The following DEPTOR variants were observed in gnomAD, a reference collection of about 807,000 sequenced individuals.
DEPTOR encodes the protein DEP domain-containing mTOR-interacting protein.
A neutral mutation model predicts 41.6 loss-of-function variants in DEPTOR; 41 were observed. That is an observed-to-expected ratio of 0.98 (90% CI 0.77 to 1.28). The LOEUF (loss-of-function observed/expected upper bound fraction) is 1.28. DEPTOR is among the 50% of genes most tolerant of loss of function. The probability of loss-of-function intolerance (pLI) is 0.00; values close to 1 mark genes in which losing one functional copy is unlikely to be tolerated. For synonymous variants in DEPTOR, 195 were observed against 192.3 expected, an observed-to-expected ratio of 1.01 and a Z score of -0.12; for missense variants, 514 against 527.9, an observed-to-expected ratio of 0.97 and a Z score of 0.26.
intron 1 of DEPTOR, among the ~76,000 whole-genome samples, chr8:119,926,885 T>C (rs1034527): frequency 0.22 from 33,094 of 152,048 alleles, 4,172 homozygotes; most frequent in African/African-American, 0.34. Context: ...TATTTAGCAC[T>C]CAGCCAAAGA....
intron 4 of DEPTOR, among the ~76,000 whole-genome samples, chr8:119,970,315 A>G (rs1007333497): frequency 3.9e-5 from 6 of 152,188 alleles, no homozygotes; most frequent in South Asian, 4.1e-4. Context: ...AAATCCTCAC[A>G]GCAATTTTGT....
chr8:119,884,803 C>T (rs1472335483), intron 1 of DEPTOR, among the ~76,000 whole-genome samples: 2 of 151,288 alleles, frequency 1.3e-5, no homozygotes, highest in African/African-American at 4.9e-5. Context: ...AACCTCTGCT[C>T]CCAGGGTTCA....
chr8:119,886,917 C>T (rs1172012260), intron 1 of DEPTOR, among the ~76,000 whole-genome samples: 2 of 152,076 alleles, frequency 1.3e-5, no homozygotes, highest in Non-Finnish European at 2.9e-5. Flanking sequence ...TGCTATTTGT[C>T]GGGCATCTCA....
chr8:119,914,258 T>G (rs1382277903), intron 1 of DEPTOR, among the ~76,000 whole-genome samples: 1 of 151,200 alleles, frequency 6.6e-6, no homozygotes, highest in Non-Finnish European at 1.5e-5. Flanking sequence ...CCCAGGCTGG[T>G]CTCAAACTCC....
intron 8 of DEPTOR, among the ~76,000 whole-genome samples, chr8:120,014,407 T>C (rs1190022833): frequency 2.0e-5 from 3 of 152,198 alleles, no homozygotes; most frequent in Non-Finnish European, 2.9e-5. Context: ...CAGGAGCTCA[T>C]TTAATGTCAG....
intron 8 of DEPTOR, among the ~76,000 whole-genome samples, chr8:120,021,201 G>A (rs1395757063): frequency 1.3e-5 from 2 of 152,032 alleles, no homozygotes; most frequent in African/African-American, 2.4e-5. Flanking sequence ...TTATTAGTTC[G>A]AGACCAGCCT....
At chr8:120,042,090 T>C (rs1415417309) in intron 8 of DEPTOR, among the ~76,000 whole-genome samples, 4 of 105,368 alleles carry the variant, frequency 3.8e-5, no homozygotes, top group African/African-American at 1.5e-4. Context: ...AAGATAATTA[T>C]AAGGAAAAAA....
At chr8:119,880,410 A>G (rs186427672) in intron 1 of DEPTOR, among the ~76,000 whole-genome samples, 1 of 152,288 alleles carries the variant, frequency 6.6e-6, no homozygotes, top group East Asian at 1.9e-4. Flanking sequence ...CCAACAGGCC[A>G]TAGATTATTC....
intron 8 of DEPTOR, among the ~76,000 whole-genome samples, chr8:120,016,391 C>T (rs992938559): frequency 2.6e-5 from 4 of 151,890 alleles, no homozygotes; most frequent in African/African-American, 9.7e-5. Context: ...CTCTGCCTCC[C>T]GAGTTCAAGT....
At chr8:119,957,801 A>T (rs1185282884) in intron 3 of DEPTOR, among the ~76,000 whole-genome samples, 3 of 152,046 alleles carry the variant, frequency 2.0e-5, no homozygotes, top group Admixed American at 1.3e-4. Context: ...GTTGGCCAGG[A>T]TGGTCTTGAA....
chr8:119,932,512 C>G (rs537467751), intron 3 of DEPTOR, among the ~76,000 whole-genome samples: 2 of 152,352 alleles, frequency 1.3e-5, no homozygotes, highest in East Asian at 3.9e-4. Context: ...GCCAGTCACA[C>G]AGCACTGTGT....
chr8:120,044,321 C>T (rs1311279431), intron 8 of DEPTOR, among the ~76,000 whole-genome samples: 1 of 152,086 alleles, frequency 6.6e-6, no homozygotes, highest in Non-Finnish European at 1.5e-5. Context: ...GACAGGGTTT[C>T]ACCATGTTGG....
chr8:119,967,993 C>A (rs1251566869), intron 4 of DEPTOR, among the ~76,000 whole-genome samples: 1 of 152,112 alleles, frequency 6.6e-6, no homozygotes, highest in African/African-American at 2.4e-5. Flanking sequence ...GTTGGACTCA[C>A]AGCTGTCTGT....
At chr8:119,904,357 G>T (rs750964376) in intron 1 of DEPTOR, among the ~76,000 whole-genome samples, 8 of 152,010 alleles carry the variant, frequency 5.3e-5, no homozygotes, top group Admixed American at 1.3e-4. Context: ...GACCTAAGAT[G>T]ATCCACCCTC....
intron 8 of DEPTOR, among the ~76,000 whole-genome samples, chr8:120,016,971 C>T (rs1267111801): frequency 6.6e-6 from 1 of 152,118 alleles, no homozygotes. Context: ...GTCTCATTGT[C>T]TCCATCATAT....
At chr8:119,946,365 A>C (rs1363386108) in intron 3 of DEPTOR, among the ~76,000 whole-genome samples, 1 of 152,124 alleles carries the variant, frequency 6.6e-6, no homozygotes, top group Non-Finnish European at 1.5e-5. Context: ...ACATATCATA[A>C]GTGTGCAGCT....
chr8:120,024,793 A>C (rs1230480515), intron 8 of DEPTOR, among the ~76,000 whole-genome samples: 1 of 152,156 alleles, frequency 6.6e-6, no homozygotes, highest in African/African-American at 2.4e-5. Context: ...GACAAAAAAA[A>C]ATTTCTGTTT....
In DEPTOR at chr8:119,962,184, G is replaced by A. The variant is rs1457183314; in HGVS notation, c.426-3048G>A. On this transcript the variant is annotated intron_variant, in intron 3 of 8. Coordinates refer to ENST00000286234, the MANE Select transcript of DEPTOR (RefSeq NM_022783.4). Reference sequence around the variant, plus strand: ...AGGCAGGAGAATCACCTGAACTTGGGAGGTGGAGGTTGCAGTGAGCTGAGA... The same window carrying A: ...AGGCAGGAGAATCACCTGAACTTGGAAGGTGGAGGTTGCAGTGAGCTGAGA... 2.6e-5 allele frequency among the ~76,000 whole-genome samples: 4 copies of A among 152,190 alleles called. No individual in the cohort carries two copies. The East Asian group carries it at 7.7e-4, about 29-fold the overall frequency.
chr8:119,963,373 C>T (rs1171774648), intron 3 of DEPTOR, among the ~76,000 whole-genome samples: 4 of 150,996 alleles, frequency 2.6e-5, no homozygotes, highest in East Asian at 1.9e-4. Context: ...TTTTTTGAGA[C>T]GGAGTCTCCC....
Sources: gnomAD v4.1 joint callset for allele counts (sites outside exome capture counted in the v4.1 genomes callset) on GRCh38, gnomAD v4.1.1 for gene constraint, MANE v1.5 for transcripts, NCBI Gene and HGNC (gene_info 2026-07-23, HGNC 2026-07-21) for gene names.